Variants in PRR11 observed in about 807,000 individuals in gnomAD.
The protein encoded by PRR11 is proline-rich protein 11.
A neutral mutation model predicts 45.6 loss-of-function variants in PRR11; 30 were observed. The ratio of observed to expected loss-of-function variants is 0.66; its 90% CI spans 0.49 to 0.89. The LOEUF (loss-of-function observed/expected upper bound fraction) is 0.89, where lower values mean the gene tolerates loss of function less well. Ranked by LOEUF, PRR11 falls within the 40% of genes least tolerant of loss-of-function variation. The pLI, the probability that PRR11 is intolerant of heterozygous loss-of-function variation, is 0.00. For synonymous variants in PRR11, 128 were observed against 153.5 expected (o/e 0.83, Z 1.23); for missense variants, 373 against 424.8 (o/e 0.88, Z 1.07).
At chr17:59,173,064 G>C (rs897389756) in intron 2 of PRR11, among the ~76,000 whole-genome samples, 1 of 152,202 alleles carries the variant, frequency 6.6e-6, no homozygotes, top group African/African-American at 2.4e-5. Context: ...TATCTAGCTC[G>C]AGGTTTGTAA....
chr17:59,190,186 A>C (rs957261278), intron 4 of PRR11, among the ~76,000 whole-genome samples: 2 of 151,962 alleles, frequency 1.3e-5, no homozygotes, highest in Non-Finnish European at 2.9e-5. Context: ...TAGAATTAAG[A>C]ATGGGCCAGG....
At chr17:59,180,504 T>A (rs538315598) in intron 2 of PRR11, among the ~76,000 whole-genome samples, 1 of 124,556 alleles carries the variant, frequency 8.0e-6, no homozygotes, top group African/African-American at 3.2e-5. Flanking sequence ...TTGTTTTTTT[T>A]TTTTTGTTTT....
chr17:59,195,275 C>A, intron 6 of PRR11, 56 bp from the exon 7 acceptor site: 1 of 1,374,852 alleles, frequency 7.3e-7, no homozygotes, highest in Non-Finnish European at 1.0e-6. Context: ...TGCATGTTTA[C>A]ATTTTGAGTG....
intron 2 of PRR11, among the ~76,000 whole-genome samples, chr17:59,172,270 T>A (rs1299214347): frequency 1.3e-5 from 2 of 152,174 alleles, no homozygotes; most frequent in Admixed American, 1.3e-4. Context: ...TTCAGCGGTA[T>A]AAAAATAGAG....
chr17:59,185,237 T>C lies in PRR11; in HGVS notation c.279+33T>C, dbSNP rs201111914. 1.1e-5 allele frequency: 17 copies of C among 1,609,034 alleles called. No individual in the cohort carries two copies. In the Admixed American group the frequency reaches 1.7e-4, roughly 16 times the overall value. ...TGTGACATCCCTGTTTTCAGTGCTA[T>C]AGTTTTTCTACACACTTGGTGTTTA... is the stretch of plus-strand genomic sequence containing the variant. On this transcript the variant is annotated intron_variant, in intron 3 of 9. Coordinates refer to ENST00000262293, the MANE Select transcript of PRR11 (RefSeq NM_018304.4).
chr17:59,193,360 G>T, intron 4 of PRR11, 132 bp from the exon 5 acceptor site: 1 of 1,134,366 alleles, frequency 8.8e-7, no homozygotes. Context: ...GATTATAAAT[G>T]AGAAAATATC....
chr17:59,194,546 C>T (rs548879458), intron 5 of PRR11, among the ~76,000 whole-genome samples: 8 of 152,038 alleles, frequency 5.3e-5, no homozygotes, highest in Non-Finnish European at 1.0e-4. Context: ...AACAAAATTG[C>T]GGGGTGGGGG....
At chr17:59,165,741 G>T (rs1031807529) in intron 1 of PRR11, among the ~76,000 whole-genome samples, 8 of 152,028 alleles carry the variant, frequency 5.3e-5, no homozygotes, top group Admixed American at 4.6e-4. Context: ...GCGGTGAGCC[G>T]AGATCGTGCC....
intron 1 of PRR11, among the ~76,000 whole-genome samples, chr17:59,167,938 G>C (rs1415964641): frequency 6.6e-6 from 1 of 152,096 alleles, no homozygotes; most frequent in Non-Finnish European, 1.5e-5. Context: ...CTGTGACTAA[G>C]AATGTCTAAC....
intron 9 of PRR11, among the ~76,000 whole-genome samples, chr17:59,200,050 GA>G (rs1229967079): frequency 6.6e-6 from 1 of 152,152 alleles, no homozygotes; most frequent in Non-Finnish European, 1.5e-5. Flanking sequence ...GAGAACTCTG[GA>G]AATGGATAAA....
chr17:59,174,901 C>A (rs1273005592), intron 2 of PRR11: 2 of 1,134,456 alleles, frequency 1.8e-6, no homozygotes, highest in Admixed American at 1.8e-5. Flanking sequence ...TCCCCTTGTC[C>A]AGCCTCCAGC....
rs368743670 is a variant in PRR11, at chr17:59,197,747, A to G, written c.972A>G (p.Gly324=). 3 of 1,613,890 alleles carry G rather than the reference A, an allele frequency of 1.9e-6. No individual in the cohort carries two copies. In the African/African-American group the frequency reaches 4.0e-5, roughly 22 times the overall value. ...AGGAAAATATGGAAACAGGAACAGG[A>G]CTGACTCCAGTGATGACGCAGGCCT... ...TNKENMETGT[G]LTPVMTQALR... The change falls in exon 9 of 10, where the codon GGA becomes GGG. Residue 324 remains glycine, a synonymous_variant. Coordinates refer to ENST00000262293, the MANE Select transcript of PRR11 (RefSeq NM_018304.4).
intron 1 of PRR11, among the ~76,000 whole-genome samples, chr17:59,165,783 A>C (rs2046677028): frequency 6.6e-6 from 1 of 151,600 alleles, no homozygotes; most frequent in Non-Finnish European, 1.5e-5. Flanking sequence ...CAAGAGCAAA[A>C]CTCTGTCTCA....
In PRR11 at chr17:59,194,767, T is replaced by TA. The variant is rs1430583798; in HGVS notation, c.663dup (p.Asp222ArgfsTer9). The TA allele has an allele frequency of 1.2e-6, 2 of 1,612,302 alleles. No homozygotes were observed. Among genetic ancestry groups the TA allele is most frequent in the Admixed American group, 3.3e-5 (2 of 59,722 alleles). On this transcript the variant is annotated frameshift_variant, in exon 6 of 10. Coordinates refer to ENST00000262293, the MANE Select transcript of PRR11 (RefSeq NM_018304.4). LOFTEE classifies it high-confidence loss of function. ...ACCATGTATTTTAAGGCTGGACCAT[T>TA]AAAAAAAGATGGACCCATGCAGATA... is the stretch of plus-strand genomic sequence containing the variant.
At position 59,195,435 on chromosome 17, in the gene PRR11, C is replaced by T. The variant is rs764427219; in HGVS notation, c.849C>T (p.Asn283=). ...NSKVLSTRVT[N]VLITPGKSQM... ...AAGTGTTATCGACTCGAGTTACAAA[C>T]GTCTTAATGTAAGGAACTGCACAGT... The change falls in exon 7 of 10, where the codon AAC becomes AAT. Residue 283 remains asparagine, a synonymous_variant. Transcript: ENST00000262293. The T allele has an allele frequency of 5.1e-5, 81 of 1,598,470 alleles. No homozygotes were observed. The East Asian group carries it at 1.6e-3, about 32-fold the overall frequency.
At chr17:59,198,156 C>T (rs1303261844) in intron 9 of PRR11, among the ~76,000 whole-genome samples, 2 of 152,068 alleles carry the variant, frequency 1.3e-5, no homozygotes, top group African/African-American at 4.8e-5. Flanking sequence ...TAATTTAAAG[C>T]AGCTTTCTTA....
intron 7 of PRR11, among the ~76,000 whole-genome samples, chr17:59,197,120 C>T (rs6503903): frequency 0.44 from 66,177 of 151,796 alleles, 16,257 homozygotes; most frequent in African/African-American, 0.68. Flanking sequence ...GTGCTGGGAT[C>T]ACAGGCGTGA....
chr17:59,162,239 CACACACACACAG>C (rs1003711528), intron 1 of PRR11, among the ~76,000 whole-genome samples: 5 of 151,784 alleles, frequency 3.3e-5, no homozygotes, highest in African/African-American at 1.2e-4. Flanking sequence ...CACACACACA[CACACACACACAG>C]AGAGAGAGAG....
chr17:59,184,487 A>G (rs1256946211), intron 2 of PRR11, among the ~76,000 whole-genome samples: 1 of 152,172 alleles, frequency 6.6e-6, no homozygotes, highest in Non-Finnish European at 1.5e-5. Flanking sequence ...AGAACCTGTG[A>G]GTGAGTTCCC....
Sources: gnomAD v4.1 joint callset for allele counts (sites outside exome capture counted in the v4.1 genomes callset) on GRCh38, gnomAD v4.1.1 for gene constraint, MANE v1.5 for transcripts, NCBI Gene and HGNC (gene_info 2026-07-23, HGNC 2026-07-21) for gene names.